Variants in SPIDR observed in about 807,000 individuals in gnomAD.
The protein encoded by SPIDR is scaffold protein involved in DNA repair.
SPIDR carries 93 observed loss-of-function variants against 104.6 expected under a neutral mutation model. The ratio of observed to expected loss-of-function variants is 0.89; its 90% CI spans 0.75 to 1.06. The LOEUF (loss-of-function observed/expected upper bound fraction) is 1.06. SPIDR is among the 50% of genes least tolerant of loss of function. SPIDR has a pLI of 0.00. For synonymous variants in SPIDR, 431 were observed against 416.9 expected (o/e 1.03, Z -0.41); for missense variants, 1,154 against 1,111.2 (o/e 1.04, Z -0.55).
intron 5 of SPIDR, among the ~76,000 whole-genome samples, chr8:47,356,181 T>C (rs1178922393): frequency 6.6e-6 from 1 of 152,246 alleles, no homozygotes; most frequent in Non-Finnish European, 1.5e-5. Context: ...AACAGCGTAA[T>C]AGATACAACT....
chr8:47,550,907 G>A lies in SPIDR; in HGVS notation c.1098-44904G>A, dbSNP rs374945611. Reference sequence around the variant, plus strand: ...TCAGTATGATATTGGCTGTGGGTTTGTCATAAATAGCTCTTATTATTTTGA... The same window carrying A: ...TCAGTATGATATTGGCTGTGGGTTTATCATAAATAGCTCTTATTATTTTGA... On this transcript the variant is annotated intron_variant, in intron 8 of 19. Transcript: ENST00000297423. Among the ~76,000 whole-genome samples the A allele has an allele frequency of 3.3e-5, 5 of 152,170 alleles. No individual in the cohort carries two copies. In the South Asian group the frequency reaches 6.2e-4, roughly 19 times the overall value.
chr8:47,510,270 T>C (rs2082113401), intron 8 of SPIDR, among the ~76,000 whole-genome samples: 1 of 152,256 alleles, frequency 6.6e-6, no homozygotes, highest in Non-Finnish European at 1.5e-5. Context: ...TGTAATTATG[T>C]GTGCACACAC....
At chr8:47,557,914 T>TA (rs749436416) in intron 8 of SPIDR, among the ~76,000 whole-genome samples, 2 of 152,158 alleles carry the variant, frequency 1.3e-5, no homozygotes, top group Non-Finnish European at 2.9e-5. Context: ...GGGTGCCCTA[T>TA]AGCAGTGGAC....
intron 8 of SPIDR, among the ~76,000 whole-genome samples, chr8:47,509,500 G>A (rs574355348): frequency 2.6e-5 from 4 of 152,220 alleles, no homozygotes; most frequent in African/African-American, 9.6e-5. Flanking sequence ...TTGGTTTTAG[G>A]GCCCAGGAGA....
intron 8 of SPIDR, among the ~76,000 whole-genome samples, chr8:47,492,522 C>CATA (rs1201885533): frequency 2.0e-5 from 3 of 152,212 alleles, no homozygotes; most frequent in African/African-American, 7.2e-5. Context: ...AGTGCCTTGT[C>CATA]ATAGACTTCC....
chr8:47,731,771 G>A (rs971921712), intron 19 of SPIDR, among the ~76,000 whole-genome samples: 1 of 152,218 alleles, frequency 6.6e-6, no homozygotes, highest in Non-Finnish European at 1.5e-5. Context: ...GAGGAAGAAA[G>A]GAGGAGGCAG....
At chr8:47,499,183 A>G (rs973841065) in intron 8 of SPIDR, among the ~76,000 whole-genome samples, 2 of 152,198 alleles carry the variant, frequency 1.3e-5, no homozygotes, top group African/African-American at 4.8e-5. Flanking sequence ...CTAAGCAGAG[A>G]AAATATGAAG....
At chr8:47,521,279 C>T (rs1422765378) in intron 8 of SPIDR, among the ~76,000 whole-genome samples, 2 of 152,134 alleles carry the variant, frequency 1.3e-5, no homozygotes, top group African/African-American at 4.8e-5. Context: ...TTTCACATTT[C>T]TTCCTTTCCT....
At chr8:47,411,985 G>A (rs2063593821) in intron 7 of SPIDR, among the ~76,000 whole-genome samples, 2 of 152,042 alleles carry the variant, frequency 1.3e-5, no homozygotes, top group Admixed American at 1.3e-4. Flanking sequence ...CATTATTTCT[G>A]AGGCCTCTGT....
At chr8:47,360,115 G>A (rs574852167) in intron 5 of SPIDR, among the ~76,000 whole-genome samples, 8 of 151,800 alleles carry the variant, frequency 5.3e-5, no homozygotes, top group Non-Finnish European at 8.8e-5. Flanking sequence ...GGTGGCGGGC[G>A]CCTGTAGTCC....
chr8:47,394,931 C>T (rs1395910563), intron 5 of SPIDR, among the ~76,000 whole-genome samples: 1 of 152,050 alleles, frequency 6.6e-6, no homozygotes, highest in African/African-American at 2.4e-5. Context: ...GAACTAAGCT[C>T]TGCATTTATT....
At chr8:47,453,250 A>C (rs148171925) in intron 8 of SPIDR, among the ~76,000 whole-genome samples, 1 of 152,230 alleles carries the variant, frequency 6.6e-6, no homozygotes, top group Admixed American at 6.5e-5. Context: ...TTCCATGCTC[A>C]TGGATAGGAA....
At chr8:47,692,331 T>C (rs1589242681) in intron 11 of SPIDR, among the ~76,000 whole-genome samples, 1 of 151,602 alleles carries the variant, frequency 6.6e-6, no homozygotes, top group Non-Finnish European at 1.5e-5. Context: ...GCACTTTCTC[T>C]CCCCCAGCAG....
chr8:47,688,795 A>G (rs986293259), intron 11 of SPIDR, among the ~76,000 whole-genome samples: 1 of 152,190 alleles, frequency 6.6e-6, no homozygotes, highest in Non-Finnish European at 1.5e-5. Flanking sequence ...TTCTGTTAGC[A>G]TAGTAGAGTT....
At chr8:47,539,246 A>G (rs774987813) in intron 8 of SPIDR, among the ~76,000 whole-genome samples, 1 of 152,078 alleles carries the variant, frequency 6.6e-6, no homozygotes, top group African/African-American at 2.4e-5. Context: ...GCGGAGATTA[A>G]CCTTTTTAAA....
intron 8 of SPIDR, among the ~76,000 whole-genome samples, chr8:47,499,573 G>C (rs1381657129): frequency 6.9e-6 from 1 of 145,696 alleles, no homozygotes; most frequent in South Asian, 2.2e-4. Context: ...CTTGATTTTT[G>C]TTGTTTTATT....
At chr8:47,314,682 T>C (rs1032780480) in intron 5 of SPIDR, among the ~76,000 whole-genome samples, 1 of 152,096 alleles carries the variant, frequency 6.6e-6, no homozygotes, top group African/African-American at 2.4e-5. Flanking sequence ...TTCCACGACG[T>C]GTGAGGATTA....
intron 8 of SPIDR, among the ~76,000 whole-genome samples, chr8:47,472,471 T>A (rs553947265): frequency 1.1e-4 from 17 of 152,350 alleles, no homozygotes; most frequent in African/African-American, 4.1e-4. Context: ...CAGGAGAAAT[T>A]CTTCAGAGAA....
chr8:47,575,497 A>G (rs1485246928), intron 8 of SPIDR, among the ~76,000 whole-genome samples: 1 of 150,284 alleles, frequency 6.7e-6, no homozygotes, highest in Non-Finnish European at 1.5e-5. Flanking sequence ...CAAAAAAAAA[A>G]TTAGCCGGGC....
Sources: allele counts gnomAD v4.1 joint callset (sites outside exome capture counted in the v4.1 genomes callset), GRCh38; gene constraint gnomAD v4.1.1; transcripts MANE v1.5; gene names NCBI Gene and HGNC (gene_info 2026-07-23, HGNC 2026-07-21).